The following COBLL1 variants were observed in gnomAD, a reference collection of about 807,000 sequenced individuals.
COBLL1 encodes cordon-bleu protein-like 1.
Under a neutral mutation model 94.8 loss-of-function variants are expected in COBLL1, and 50 were observed. The observed-to-expected ratio is 0.53, with a 90% CI of 0.42 to 0.67. COBLL1 has a LOEUF of 0.67. Ranked by LOEUF, COBLL1 falls within the 30% of genes least tolerant of loss-of-function variation. The pLI, the probability that COBLL1 is intolerant of heterozygous loss-of-function variation, is 0.00. For synonymous variants in COBLL1, 448 were observed against 473.8 expected (o/e 0.95, Z 0.71); for missense variants, 1,362 against 1,348.7 (o/e 1.01, Z -0.15).
At chr2:164,720,015 G>A (rs558305841) in intron 7 of COBLL1, among the ~76,000 whole-genome samples, 1 of 152,230 alleles carries the variant, frequency 6.6e-6, no homozygotes, top group Admixed American at 6.5e-5. Context: ...GACCAAGGGG[G>A]TAATTAACCA....
chr2:164,751,029 C>G (rs1687100104), intron 2 of COBLL1, among the ~76,000 whole-genome samples: 1 of 152,188 alleles, frequency 6.6e-6, no homozygotes, highest in Admixed American at 6.5e-5. Context: ...CATCCAAGAG[C>G]CTTCCATAGC....
chr2:164,785,262 G>C (rs72882424), intron 2 of COBLL1, among the ~76,000 whole-genome samples: 1 of 152,232 alleles, frequency 6.6e-6, no homozygotes, highest in East Asian at 1.9e-4. Flanking sequence ...AGTGGCATTC[G>C]CTTGTAGTTC....
intron 2 of COBLL1, among the ~76,000 whole-genome samples, chr2:164,661,681 G>A (rs930724675): frequency 3.3e-5 from 5 of 152,076 alleles, no homozygotes; most frequent in African/African-American, 1.2e-4. Context: ...ACACTTCAAT[G>A]TGCCATTTTA....
At chr2:164,773,594 A>G (rs904665662) in intron 2 of COBLL1, 1 of 338,240 alleles carries the variant, frequency 3.0e-6, no homozygotes, top group Non-Finnish European at 5.3e-6. Context: ...CCTCAGACAT[A>G]TTAAAATGTG....
At chr2:164,696,947 T>A (rs1683980660) in intron 11 of COBLL1, 1 of 152,118 alleles carries the variant, frequency 6.6e-6, no homozygotes, top group African/African-American at 2.4e-5. Context: ...AACTGTGAAA[T>A]TATGTCAAGT....
At chr2:164,699,584 G>A in intron 10 of COBLL1, 85 bp from the exon 11 acceptor site, 2 of 718,218 alleles carry the variant, frequency 2.8e-6, no homozygotes, top group South Asian at 1.9e-5. Flanking sequence ...CACACACAAT[G>A]AGAAACAGGC....
chr2:164,743,930 T>G (rs1686729541), intron 2 of COBLL1, 55 bp from the exon 3 acceptor site: 4 of 1,238,172 alleles, frequency 3.2e-6, no homozygotes, highest in Non-Finnish European at 3.3e-6. Context: ...TAAGGTAACT[T>G]TTTAATATGA....
intron 3 of COBLL1, among the ~76,000 whole-genome samples, chr2:164,735,999 T>C (rs1686284613): frequency 6.6e-6 from 1 of 152,212 alleles, no homozygotes; most frequent in Non-Finnish European, 1.5e-5. Flanking sequence ...TGCATTAACA[T>C]TATTTACAGA....
chr2:164,805,335 C>CTATATATATATATATATATATATA (rs1268003621), intron 2 of COBLL1, among the ~76,000 whole-genome samples: 1 of 19,840 alleles, frequency 5.0e-5, no homozygotes, highest in Non-Finnish European at 9.1e-5. Context: ...CTCTCTCTCT[C>CTATATATATATATATATATATATA]TCTATATATA....
At chr2:164,702,291 T>C (rs142441052) in intron 9 of COBLL1, among the ~76,000 whole-genome samples, 2,647 of 152,038 alleles carry the variant, frequency 0.017, 25 homozygotes, top group South Asian at 0.034. Flanking sequence ...AGGCTGGGCG[T>C]GGTGGCTCAC....
chr2:164,757,211 A>G (rs756232557), intron 2 of COBLL1, among the ~76,000 whole-genome samples: 4 of 152,180 alleles, frequency 2.6e-5, no homozygotes, highest in Admixed American at 6.5e-5. Context: ...ATATACCTTC[A>G]TTGGAACTTT....
chr2:164,670,357 T>G (rs1422545897), intron 1 of COBLL1, among the ~76,000 whole-genome samples: 5 of 152,242 alleles, frequency 3.3e-5, no homozygotes, highest in African/African-American at 1.2e-4. Flanking sequence ...TTTAATTATC[T>G]CTACATCTAT....
chr2:164,823,964 G>A (rs989869369), intron 2 of COBLL1, among the ~76,000 whole-genome samples: 1 of 152,122 alleles, frequency 6.6e-6, no homozygotes, highest in Admixed American at 6.5e-5. Flanking sequence ...CACACGGTTT[G>A]CTATGCAAAT....
intron 2 of COBLL1, among the ~76,000 whole-genome samples, chr2:164,781,294 C>G (rs1169893625): frequency 6.6e-6 from 1 of 152,074 alleles, no homozygotes; most frequent in Non-Finnish European, 1.5e-5. Flanking sequence ...CAATAATGGC[C>G]CATGCCTGTG....
chr2:164,752,187 G>A (rs1558981446), intron 2 of COBLL1, among the ~76,000 whole-genome samples: 2 of 152,150 alleles, frequency 1.3e-5, no homozygotes, highest in African/African-American at 4.8e-5. Flanking sequence ...CTGTGTGTTA[G>A]AAAATGTTTT....
chr2:164,823,890 T>G (rs944562305), intron 2 of COBLL1, among the ~76,000 whole-genome samples: 3 of 152,170 alleles, frequency 2.0e-5, no homozygotes, highest in Non-Finnish European at 2.9e-5. Context: ...TCTAATGATT[T>G]CATTGGAAAC....
At chr2:164,760,432 T>C (rs1432602447) in intron 2 of COBLL1, among the ~76,000 whole-genome samples, 6 of 152,152 alleles carry the variant, frequency 3.9e-5, no homozygotes, top group African/African-American at 4.8e-5. Context: ...AGTTTCTTTG[T>C]GGTGGTGAAG....
chr2:164,736,713 A>G (rs1406350082), intron 3 of COBLL1, among the ~76,000 whole-genome samples: 3 of 152,184 alleles, frequency 2.0e-5, no homozygotes, highest in African/African-American at 7.2e-5. Context: ...CAATTTGAAT[A>G]TAGACAAAGG....
In COBLL1 at chr2:164,800,745, C is replaced by T. The variant is rs181031465; in HGVS notation, c.41+40411G>A. 8.6e-3 allele frequency among the ~76,000 whole-genome samples: 1,310 copies of T among 152,056 alleles called. 11 individuals are homozygous for T. Among genetic ancestry groups the T allele is most frequent in the Non-Finnish European group, 0.012 (819 of 67,990 alleles). On this transcript the variant is annotated intron_variant, in intron 2 of 13. Transcript: ENST00000652658. ...GCTATAAAGAGGAACCACTGACACA[C>T]GTAAAAGTTAGATGAATCTCAAAGG...
Sources: allele counts gnomAD v4.1 joint callset (sites outside exome capture counted in the v4.1 genomes callset), GRCh38; gene constraint gnomAD v4.1.1; transcripts MANE v1.5; gene names NCBI Gene and HGNC (gene_info 2026-07-23, HGNC 2026-07-21).